ECE1: variants seen among roughly 807,000 people sequenced by gnomAD.
ECE1 encodes the protein endothelin-converting enzyme 1.
Under a neutral mutation model 98.6 loss-of-function variants are expected in ECE1, and 35 were observed. That is an observed-to-expected ratio of 0.35 (90% confidence interval 0.27 to 0.47). ECE1 has a LOEUF of 0.47. Ranked by LOEUF, ECE1 falls within the 20% of genes least tolerant of loss-of-function variation. ECE1 has a pLI of 1.00. For missense variants in ECE1, 814 were observed against 1,025.3 expected, an observed-to-expected ratio of 0.79 and a Z score of 2.81; for synonymous variants, 394 against 407.1, an observed-to-expected ratio of 0.97 and a Z score of 0.39.
chr1:21,298,563 C>A, intron 1 of ECE1: 1 of 364,818 alleles, frequency 2.7e-6, no homozygotes, highest in Middle Eastern at 7.7e-4. Flanking sequence ...CAGCCCAGTG[C>A]CTAGCAGAGA....
Position 21,327,360 on chromosome 1 carries a change from G to T in ECE1, c.3+18016C>A, listed in dbSNP as rs553852884. On this transcript the variant is annotated intron_variant, in intron 1 of 18. Transcript: ENST00000415912. This position sits in a 1 kb window ranked among gnomAD's most constrained non-coding sequence, Gnocchi z 4.6. ...TTCTCATTTGTCAAAGCGACGGGCT[G>T]ATCCCCTGCCCCACTCCAATCAATC... is the stretch of plus-strand genomic sequence containing the variant. 1.3e-5 allele frequency among the ~76,000 whole-genome samples: 2 copies of T among 152,122 alleles called. No homozygotes were observed. The highest frequency in any genetic ancestry group is 2.9e-5 in the Non-Finnish European group (2 of 68,010).
At chr1:21,253,938 G>A (rs1211600298) in intron 8 of ECE1, among the ~76,000 whole-genome samples, 1 of 151,634 alleles carries the variant, frequency 6.6e-6, no homozygotes, top group East Asian at 1.9e-4. Context: ...GCGTGGTGGT[G>A]CCTGCCTGTA....
rs189836829 is a variant in ECE1, at chr1:21,243,618, T to C, written c.1278+1371A>G. Reference sequence around the variant, plus strand: ...GGGAAGGTGAGAGAATATGTGGGTGTATGTTCCACACACAGACCATCTTTG... The same window carrying C: ...GGGAAGGTGAGAGAATATGTGGGTGCATGTTCCACACACAGACCATCTTTG... On this transcript the variant is annotated intron_variant, in intron 10 of 18. Transcript: ENST00000374893. Among the ~76,000 whole-genome samples the C allele has an allele frequency of 1.4e-4, 21 of 152,326 alleles. No homozygotes were observed. In the East Asian group the frequency reaches 4.1e-3, roughly 29 times the overall value.
rs1465166648 is a variant in ECE1, at chr1:21,238,160, T to C, written c.1363A>G (p.Thr455Ala). 1.4e-5 allele frequency: 23 copies of C among 1,614,222 alleles called. No homozygotes were observed. Among genetic ancestry groups the C allele is most frequent in the Non-Finnish European group, 1.9e-5 (23 of 1,180,042 alleles). ...ATGCTCTTGCTGTCCTCGGCGAAGG[T>C]TGCTTTGACAAACATGGGGCCCAAC... ...FALGPMFVKA[T>A]FAEDSKSIAT... Residue 455 changes from threonine to alanine, a missense_variant, in exon 11 of 19, where the codon ACC (threonine) becomes GCC (alanine). By Grantham distance (58) the Thr-to-Ala change is moderately conservative (BLOSUM62 0). Transcript: ENST00000374893.
At position 21,290,039 on chromosome 1, in the gene ECE1, T is replaced by G; in HGVS notation, c.138+31A>C. ...CGCGCATGCCCGGGCCCGGGGCGCC[T>G]GGACCTCGGGAGGGAGCGGAGGGCG... On this transcript the variant is annotated intron_variant, in intron 2 of 18. Coordinates refer to ENST00000374893, the MANE Select transcript of ECE1 (RefSeq NM_001397.3). The surrounding 1 kb of genome is among the most constrained non-coding windows in gnomAD (Gnocchi z 7.3). 1 of 1,260,068 alleles carries G rather than the reference T, an allele frequency of 7.9e-7. No individual in the cohort carries two copies. The highest frequency in any genetic ancestry group is 1.7e-5 in the South Asian group (1 of 59,236). The allele number at this position is 1,260,068 out of a possible 1,614,324, so 78.1% of individuals were successfully genotyped here.
At position 21,247,307 on chromosome 1, in the gene ECE1, C is replaced by T. The variant is rs764303664; in HGVS notation, c.1077G>A (p.Val359=). 3.7e-6 allele frequency: 6 copies of T among 1,614,216 alleles called. No individual in the cohort carries two copies. The highest frequency in any genetic ancestry group is 4.2e-6 in the Non-Finnish European group (5 of 1,180,046). ...LPFLNTIFYP[V]EINESEPIVV... is the part of the protein sequence containing the mutation. ...CAATAGGCTCGGATTCATTGATCTC[C>T]ACGGGGTAGAAGATGGTGTTGAGAA... Residue 359 remains valine (V), a synonymous_variant, in exon 9 of 19, where the codon GTG becomes GTA. Coordinates refer to ENST00000374893, the MANE Select transcript of ECE1 (RefSeq NM_001397.3).
At chr1:21,298,991 T>C in intron 1 of ECE1, 1 of 432,960 alleles carries the variant, frequency 2.3e-6, no homozygotes. Flanking sequence ...TGCTCCTGTG[T>C]GATGTCCTGG....
At chr1:21,271,812 CAA>C (rs1210834775) in intron 4 of ECE1, among the ~76,000 whole-genome samples, 2 of 152,084 alleles carry the variant, frequency 1.3e-5, no homozygotes, top group Non-Finnish European at 2.9e-5. Flanking sequence ...TAGTGAAGTG[CAA>C]AGAGAACTCT....
At chr1:21,246,319 G>T (rs927279755) in intron 9 of ECE1, among the ~76,000 whole-genome samples, 2 of 151,770 alleles carry the variant, frequency 1.3e-5, no homozygotes, top group African/African-American at 2.4e-5. Flanking sequence ...GGCAAACATG[G>T]TGAAACCCCA....
chr1:21,301,729 G>C (rs1409548470), intron 1 of ECE1, among the ~76,000 whole-genome samples: 1 of 150,652 alleles, frequency 6.6e-6, no homozygotes, highest in South Asian at 2.1e-4. Flanking sequence ...AAGAGGCTGA[G>C]GCAGGGGAAT....
At chr1:21,302,994 C>T (rs1638520123) in intron 1 of ECE1, among the ~76,000 whole-genome samples, 2 of 152,222 alleles carry the variant, frequency 1.3e-5, no homozygotes, top group East Asian at 3.9e-4. Context: ...CTCTACCCAG[C>T]CAGGCTCCTG....
chr1:21,341,094 C>CT (rs1639389770), intron 1 of ECE1, among the ~76,000 whole-genome samples: 1 of 150,464 alleles, frequency 6.6e-6, no homozygotes, highest in African/African-American at 2.4e-5. Context: ...GATTTTAATG[C>CT]CATGTGCTCA....
chr1:21,271,925 T>C (rs569155059), intron 4 of ECE1, among the ~76,000 whole-genome samples: 219 of 151,934 alleles, frequency 1.4e-3, no homozygotes, highest in Middle Eastern at 6.8e-3. Context: ...GTTAGAACTT[T>C]CATTGGATCA....
chr1:21,307,787 T>C lies in ECE1; in HGVS notation c.4-17631A>G, dbSNP rs953318387. Among the ~76,000 whole-genome samples, 4 of 152,038 alleles carry C rather than the reference T, an allele frequency of 2.6e-5. No individual in the cohort carries two copies. Among genetic ancestry groups the C allele is most frequent in the East Asian group, 1.9e-4 (1 of 5,178 alleles). On this transcript the variant is annotated intron_variant, in intron 1 of 18. Transcript: ENST00000415912. The surrounding 1 kb of genome is among the most constrained non-coding windows in gnomAD (Gnocchi z 4.2). ...CAGACAGAAAATGGGAAGGGACAGATAAGCCTCTATGAAAGGTGGCCAGGC... is the reference window on the plus strand; with the variant it reads ...CAGACAGAAAATGGGAAGGGACAGACAAGCCTCTATGAAAGGTGGCCAGGC...
chr1:21,306,883 C>T (rs1039270489), intron 1 of ECE1, among the ~76,000 whole-genome samples: 1 of 152,168 alleles, frequency 6.6e-6, no homozygotes, highest in Non-Finnish European at 1.5e-5. Flanking sequence ...CCAACCCCCC[C>T]AATCTACAGA....
intron 17 of ECE1, 141 bp from the exon 18 acceptor site, chr1:21,221,983 G>A (rs867289330): frequency 3.9e-6 from 3 of 776,476 alleles, no homozygotes; most frequent in Non-Finnish European, 6.9e-6. Flanking sequence ...CAGCCTAGGG[G>A]AGCCCTCTTC....
Position 21,318,452 on chromosome 1 carries a change from TA to T in ECE1, c.3+26923del, listed in dbSNP as rs371543416. Among the ~76,000 whole-genome samples the T allele has an allele frequency of 9.5e-4, 145 of 152,154 alleles. 2 individuals are homozygous for T. Among genetic ancestry groups the T allele is most frequent in the African/African-American group, 2.7e-3 (113 of 41,516 alleles). ...TCCCTTAACAAAGGTCAGCCTGGCC[TA>T]GGGGTGTCCTCCCTGGAGACCTCCC... On this transcript the variant is annotated intron_variant, in intron 1 of 18. Coordinates refer to the ECE1 transcript ENST00000415912.
intron 4 of ECE1, among the ~76,000 whole-genome samples, chr1:21,261,977 C>A (rs767218264): frequency 7.2e-5 from 11 of 152,212 alleles, no homozygotes; most frequent in African/African-American, 1.4e-4. Flanking sequence ...GAGCAAAGGA[C>A]ATGAGTCACT....
chr1:21,225,232 G>C lies in ECE1; in HGVS notation c.2040+18C>G, dbSNP rs946811316. 1 of 1,613,556 alleles carries C rather than the reference G, an allele frequency of 6.2e-7. No homozygotes were observed. Among genetic ancestry groups the C allele is most frequent in the Non-Finnish European group, 8.5e-7 (1 of 1,179,956 alleles). On this transcript the variant is annotated intron_variant, in intron 17 of 18. Coordinates refer to ENST00000374893, the MANE Select transcript of ECE1 (RefSeq NM_001397.3). The surrounding 1 kb of genome is among the most constrained non-coding windows in gnomAD (Gnocchi z 5.3). ...GCCAGCACTGGGACCGTGCGCGTGT[G>C]GGGAGCGGGGCTCTCACCCGATAGG...
Sources: gnomAD v4.1 joint callset for allele counts (sites outside exome capture counted in the v4.1 genomes callset) on GRCh38, gnomAD v4.1.1 for gene constraint, Gnocchi (gnomAD v3.1) non-coding constraint, MANE v1.5 for transcripts, NCBI Gene and HGNC (gene_info 2026-07-23, HGNC 2026-07-21) for gene names.